HECW1: variants seen among roughly 807,000 people sequenced by gnomAD.
The protein encoded by HECW1 is HECT, C2 and WW domain containing E3 ubiquitin protein ligase 1, also known as E3 ubiquitin-protein ligase HECW1.
In HECW1, 61 loss-of-function variants were observed where a neutral mutation model predicts 182.3. The observed-to-expected ratio is 0.33, with a 90% CI of 0.27 to 0.41. The LOEUF (loss-of-function observed/expected upper bound fraction) is 0.41. Among genes scored for constraint, HECW1 ranks in the 10% least tolerant of loss-of-function variants. HECW1 has a pLI of 1.00. For synonymous variants in HECW1, 859 were observed against 832.6 expected (o/e 1.03, Z -0.55); for missense variants, 1,739 against 2,108.9 (o/e 0.82, Z 3.44).
chr7:43,309,905 ATT>A lies in HECW1; in HGVS notation c.28-1854_28-1853del, dbSNP rs1808281727. On this transcript the variant is annotated intron_variant, in intron 3 of 29. Transcript: ENST00000395891. Reference sequence around the variant, plus strand: ...ATTACCAGTAATATCTTAGCAAGAGATTTTTATTTATTGAGCAGGTACTGTAC... The same window carrying A: ...ATTACCAGTAATATCTTAGCAAGAGATTTATTTATTGAGCAGGTACTGTAC... Among the ~76,000 whole-genome samples, 4 of 152,256 alleles carry A rather than the reference ATT, an allele frequency of 2.6e-5. No homozygotes were observed. The South Asian group carries it at 6.2e-4, about 24-fold the overall frequency.
intron 3 of HECW1, among the ~76,000 whole-genome samples, chr7:43,303,978 T>G (rs111285883): frequency 6.6e-6 from 1 of 152,142 alleles, no homozygotes; most frequent in Admixed American, 6.5e-5. Context: ...ACTTTCTTCT[T>G]ATTTGACAGG....
rs1419641744 is a variant in HECW1, at chr7:43,563,429, C to G, written c.*1503C>G. Reference sequence around the variant, plus strand: ...TTCTTCACTGGGAAAAAGAAGAGCTCAAGAGACCCCACTATTTAAATGTCA... The same window carrying G: ...TTCTTCACTGGGAAAAAGAAGAGCTGAAGAGACCCCACTATTTAAATGTCA... On this transcript the variant is annotated 3_prime_UTR_variant, in exon 30 of 30. Coordinates refer to ENST00000395891, the MANE Select transcript of HECW1 (RefSeq NM_015052.5). The G allele has an allele frequency of 5.0e-6, 1 of 198,634 alleles. No homozygotes were observed. Among genetic ancestry groups the G allele is most frequent in the Non-Finnish European group, 1.0e-5 (1 of 96,154 alleles). The allele number at this position is 198,634 out of a possible 1,614,324, so 12.3% of individuals were successfully genotyped here.
chr7:43,326,496 C>T (rs1172841249), intron 5 of HECW1, among the ~76,000 whole-genome samples: 1 of 152,200 alleles, frequency 6.6e-6, no homozygotes, highest in Non-Finnish European at 1.5e-5. Context: ...ATGTCCTCCA[C>T]AAGGCGGCCC....
chr7:43,519,079 T>G (rs1320688326), intron 24 of HECW1, among the ~76,000 whole-genome samples: 6 of 152,194 alleles, frequency 3.9e-5, no homozygotes, highest in South Asian at 2.1e-4. Flanking sequence ...GAGCCCTTAT[T>G]ATGGGCCAGG....
chr7:43,354,498 G>A (rs1814859200), intron 5 of HECW1, among the ~76,000 whole-genome samples: 1 of 152,146 alleles, frequency 6.6e-6, no homozygotes, highest in Non-Finnish European at 1.5e-5. Context: ...TCTTGGAACT[G>A]AGAAATATAT....
At chr7:43,211,157 A>G (rs965962624) in intron 2 of HECW1, among the ~76,000 whole-genome samples, 1 of 152,196 alleles carries the variant, frequency 6.6e-6, no homozygotes, top group Non-Finnish European at 1.5e-5. Flanking sequence ...CCCTGTGTTT[A>G]GAGGTGGATG....
chr7:43,515,620 C>CAT (rs894053652), intron 24 of HECW1, among the ~76,000 whole-genome samples: 32 of 152,328 alleles, frequency 2.1e-4, no homozygotes, highest in African/African-American at 7.7e-4. Context: ...AAATACTTAT[C>CAT]AGTGCAAAGA....
At chr7:43,518,603 A>T (rs1227203867) in intron 24 of HECW1, among the ~76,000 whole-genome samples, 1 of 152,228 alleles carries the variant, frequency 6.6e-6, no homozygotes, top group East Asian at 1.9e-4. Flanking sequence ...AATCTTTGCA[A>T]CTCAAGAAAA....
Position 43,311,551 on chromosome 7 carries a change from G to C in HECW1, c.28-212G>C, listed in dbSNP as rs1001992343. 7 of 747,384 alleles carry C rather than the reference G, an allele frequency of 9.4e-6. No individual in the cohort carries two copies. In the South Asian group the frequency reaches 9.5e-5, roughly 10 times the overall value. The allele number at this position is 747,384 out of a possible 1,614,324, so 46.3% of individuals were successfully genotyped here. A position where few individuals can be genotyped will look rare whatever the true frequency, so the allele number is the denominator to read the frequency against. On this transcript the variant is annotated intron_variant, in intron 3 of 29. Transcript: ENST00000395891. ...ACATGGAAACGCAGGACACCCTGGT[G>C]CACTTGTGTTTTTGTTCTTGCTGTC...
At chr7:43,190,873 G>C (rs1406363092) in intron 2 of HECW1, among the ~76,000 whole-genome samples, 3 of 152,132 alleles carry the variant, frequency 2.0e-5, no homozygotes, top group Admixed American at 6.5e-5. Context: ...CTGCTAATAG[G>C]TCACTGCATG....
In HECW1 at chr7:43,407,615, C is replaced by T; in HGVS notation, c.685C>T (p.Leu229=). The T allele has an allele frequency of 6.2e-7, 1 of 1,613,900 alleles. No homozygotes were observed. Among genetic ancestry groups the T allele is most frequent in the Non-Finnish European group, 8.5e-7 (1 of 1,179,812 alleles). ...GATGTTTTTCAACCCAGACCCTTATCTGAAGATTTCCATTCAGCCTGGGAA... is the reference window on the plus strand; with the variant it reads ...GATGTTTTTCAACCCAGACCCTTATTTGAAGATTTCCATTCAGCCTGGGAA... ...KGMFFNPDPY[L]KISIQPGKHS... is the part of the protein sequence containing the mutation. Residue 229 remains leucine, a synonymous_variant, in exon 8 of 30, where the codon CTG becomes TTG. Coordinates refer to ENST00000395891, the MANE Select transcript of HECW1 (RefSeq NM_015052.5).
chr7:43,223,139 C>T (rs1273106560), intron 2 of HECW1, among the ~76,000 whole-genome samples: 1 of 152,190 alleles, frequency 6.6e-6, no homozygotes, highest in Non-Finnish European at 1.5e-5. Context: ...CTATCCTGCT[C>T]CACATTCAGT....
intron 2 of HECW1, among the ~76,000 whole-genome samples, chr7:43,201,359 G>C (rs1275757275): frequency 6.6e-6 from 1 of 152,212 alleles, no homozygotes; most frequent in Non-Finnish European, 1.5e-5. Context: ...GACTGTAGAG[G>C]CAGGATGTAC....
intron 2 of HECW1, among the ~76,000 whole-genome samples, chr7:43,233,950 G>C (rs1235802617): frequency 6.6e-6 from 1 of 152,188 alleles, no homozygotes; most frequent in Non-Finnish European, 1.5e-5. Context: ...CTTCTGGTAC[G>C]GGAAAGATAA....
At chr7:43,519,157 C>A (rs1331545003) in intron 24 of HECW1, among the ~76,000 whole-genome samples, 1 of 152,118 alleles carries the variant, frequency 6.6e-6, no homozygotes, top group South Asian at 2.1e-4. Context: ...AATGAGGAAA[C>A]TCATACCCAT....
intron 3 of HECW1, among the ~76,000 whole-genome samples, chr7:43,311,454 G>A (rs930746877): frequency 6.6e-6 from 1 of 152,158 alleles, no homozygotes; most frequent in Admixed American, 6.5e-5. Flanking sequence ...ACACCTTCAG[G>A]GTCATTCTGC....
chr7:43,201,757 G>C (rs1562667558), intron 2 of HECW1, among the ~76,000 whole-genome samples: 2 of 152,200 alleles, frequency 1.3e-5, no homozygotes, highest in Non-Finnish European at 2.9e-5. Flanking sequence ...ATGGTCTTGT[G>C]TGGAGAGAAA....
At chr7:43,533,620 G>GTGGT (rs71011922) in intron 24 of HECW1, among the ~76,000 whole-genome samples, 29,633 of 152,104 alleles carry the variant, frequency 0.19, 3,183 homozygotes, top group Non-Finnish European at 0.25. Flanking sequence ...AGATGCCATA[G>GTGGT]TGGTTAGAAG....
chr7:43,385,219 A>T (rs78506878), intron 6 of HECW1, among the ~76,000 whole-genome samples: 1,387 of 4,772 alleles, frequency 0.29, 365 homozygotes, highest in East Asian at 0.41. Flanking sequence ...CCCTCTCCCC[A>T]CCCCTCCCCT....
Sources: allele counts gnomAD v4.1 joint callset (sites outside exome capture counted in the v4.1 genomes callset), GRCh38; gene constraint gnomAD v4.1.1; transcripts MANE v1.5; gene names NCBI Gene and HGNC (gene_info 2026-07-23, HGNC 2026-07-21).